Variants in HNF4G observed in about 807,000 individuals in gnomAD.
The protein encoded by HNF4G is hepatocyte nuclear factor 4-gamma.
HNF4G carries 21 observed loss-of-function variants against 50.9 expected under a neutral mutation model. That is an observed-to-expected ratio of 0.41 (90% CI 0.29 to 0.59). The LOEUF (loss-of-function observed/expected upper bound fraction) is 0.59, where lower values mean the gene tolerates loss of function less well. HNF4G is among the 20% of genes least tolerant of loss of function. HNF4G has a pLI of 0.26. For synonymous variants in HNF4G, 198 were observed against 185.6 expected (o/e 1.07, Z -0.54); for missense variants, 527 against 559.4 (o/e 0.94, Z 0.58).
At chr8:75,504,996 T>C (rs1321875365) in intron 2 of HNF4G, among the ~76,000 whole-genome samples, 1 of 152,156 alleles carries the variant, frequency 6.6e-6, no homozygotes, top group African/African-American at 2.4e-5. Context: ...TATAGGTGAT[T>C]ATAGAAACTT....
chr8:75,478,461 A>G (rs1563522220), intron 1 of HNF4G, among the ~76,000 whole-genome samples: 1 of 152,026 alleles, frequency 6.6e-6, no homozygotes, highest in South Asian at 2.1e-4. Flanking sequence ...TTTTCAAACA[A>G]TTTTTTTTCT....
At chr8:75,504,230 GACACACACACACACAC>G (rs201513424) in intron 2 of HNF4G, among the ~76,000 whole-genome samples, 16 of 108,304 alleles carry the variant, frequency 1.5e-4, no homozygotes, top group South Asian at 5.7e-4. Flanking sequence ...AAAGCACACA[GACACACACACACACAC>G]ACACACACAC....
At chr8:75,475,938 A>T (rs1037770484) in intron 1 of HNF4G, among the ~76,000 whole-genome samples, 1 of 152,058 alleles carries the variant, frequency 6.6e-6, no homozygotes, top group African/African-American at 2.4e-5. Context: ...AATTAAATTT[A>T]TTTTTAAAAT....
rs1806162122 is a variant in HNF4G at position 75,525,796 on chromosome 8, T to C, written c.-23-18015T>C. Among the ~76,000 whole-genome samples the C allele has an allele frequency of 3.3e-5, 5 of 152,174 alleles. No homozygotes were observed. The South Asian group carries it at 1.0e-3, about 32-fold the overall frequency. On this transcript the variant is annotated intron_variant, in intron 2 of 10. Transcript: ENST00000354370. ...TAAGAAAAAGTTGAACTCATATTTC[T>C]AAATAGTAATGGTCATTTTAAATGC...
intron 2 of HNF4G, among the ~76,000 whole-genome samples, chr8:75,511,824 C>T (rs1184898160): frequency 2.6e-5 from 4 of 152,142 alleles, no homozygotes; most frequent in Non-Finnish European, 2.9e-5. Flanking sequence ...GTGATCCACC[C>T]GCCTCGGCCT....
At chr8:75,474,456 G>T (rs532396214) in intron 1 of HNF4G, among the ~76,000 whole-genome samples, 13 of 152,220 alleles carry the variant, frequency 8.5e-5, no homozygotes, top group African/African-American at 2.9e-4. Flanking sequence ...GAAGTTAGAA[G>T]GAAGATTGAG....
chr8:75,502,865 G>A (rs1053417277), intron 2 of HNF4G, among the ~76,000 whole-genome samples: 3 of 152,176 alleles, frequency 2.0e-5, no homozygotes, highest in African/African-American at 7.2e-5. Context: ...GTCTGAAATT[G>A]TCTGTTAGTA....
At chr8:75,450,228 C>T (rs941984906) in intron 1 of HNF4G, among the ~76,000 whole-genome samples, 8 of 152,054 alleles carry the variant, frequency 5.3e-5, no homozygotes, top group Non-Finnish European at 7.4e-5. Flanking sequence ...TGTATGTATT[C>T]GACATTTTCT....
chr8:75,549,093 T>C (rs1806871751), intron 3 of HNF4G, among the ~76,000 whole-genome samples: 1 of 152,224 alleles, frequency 6.6e-6, no homozygotes, highest in Non-Finnish European at 1.5e-5. Flanking sequence ...GTTTCCTTTA[T>C]GAGTTTTACA....
At chr8:75,473,009 AT>A (rs1447683499) in intron 1 of HNF4G, among the ~76,000 whole-genome samples, 1 of 152,126 alleles carries the variant, frequency 6.6e-6, no homozygotes, top group Non-Finnish European at 1.5e-5. Flanking sequence ...GTGAGTCACG[AT>A]TTACATATAA....
In HNF4G at chr8:75,515,680, G is replaced by T. The variant is rs533384076; in HGVS notation, c.-24+25472G>T. Among the ~76,000 whole-genome samples the T allele has an allele frequency of 2.0e-4, 31 of 152,080 alleles. No homozygotes were observed. In the South Asian group the frequency reaches 6.2e-3, roughly 31 times the overall value. On this transcript the variant is annotated intron_variant, in intron 2 of 10. Transcript: ENST00000354370. ...ATGAATGTCCTGGCTCAAACACAGA[G>T]AATAAATTCACCTTTTCTCTGACTT... is the stretch of plus-strand genomic sequence containing the variant.
At chr8:75,444,992 C>T (rs939312847) in intron 1 of HNF4G, among the ~76,000 whole-genome samples, 18 of 150,228 alleles carry the variant, frequency 1.2e-4, no homozygotes, top group Admixed American at 8.0e-4. Context: ...TTCAGCACCA[C>T]ACCACACCTA....
At chr8:75,419,838 G>A (rs1810737206) in intron 1 of HNF4G, among the ~76,000 whole-genome samples, 1 of 152,218 alleles carries the variant, frequency 6.6e-6, no homozygotes, top group Non-Finnish European at 1.5e-5. Context: ...TATTGATTTA[G>A]ATAAATGTAT....
At chr8:75,557,969 A>G (rs2130812389) in intron 6 of HNF4G, among the ~76,000 whole-genome samples, 1 of 152,258 alleles carries the variant, frequency 6.6e-6, no homozygotes, top group South Asian at 2.1e-4. Flanking sequence ...TCCCACCTCT[A>G]TTTAAAGAAG....
At chr8:75,443,585 T>G (rs953497615) in intron 1 of HNF4G, among the ~76,000 whole-genome samples, 1 of 152,184 alleles carries the variant, frequency 6.6e-6, no homozygotes, top group Admixed American at 6.6e-5. Context: ...GGTTTTGAAC[T>G]CCTGGGCTCA....
chr8:75,430,662 G>A (rs1810992957), intron 1 of HNF4G, among the ~76,000 whole-genome samples: 1 of 152,076 alleles, frequency 6.6e-6, no homozygotes, highest in African/African-American at 2.4e-5. Context: ...AACCTCTAAA[G>A]GTAAAATTTT....
intron 1 of HNF4G, among the ~76,000 whole-genome samples, chr8:75,449,576 G>A (rs1259483884): frequency 2.8e-5 from 4 of 141,206 alleles, no homozygotes; most frequent in Non-Finnish European, 6.0e-5. Context: ...GGGCGATCTC[G>A]GCTCACTGCA....
intron 2 of HNF4G, among the ~76,000 whole-genome samples, chr8:75,505,837 C>A (rs1295425806): frequency 6.6e-6 from 1 of 152,034 alleles, no homozygotes; most frequent in African/African-American, 2.4e-5. Context: ...GAGACACAAA[C>A]TCTGAATAAT....
At position 75,419,810 on chromosome 8, in the gene HNF4G, G is replaced by A. The variant is rs137971273; in HGVS notation, c.-144+11648G>A. Among the ~76,000 whole-genome samples, 297 of 152,372 alleles carry A rather than the reference G, an allele frequency of 1.9e-3. 1 individual carries two copies. Among genetic ancestry groups the A allele is most frequent in the African/African-American group, 6.7e-3 (278 of 41,588 alleles). Reference sequence around the variant, plus strand: ...TGGCTTTAGCCATCTTGCAATAAATGTATTAGGAACAGTGGTTTATTGATT... The same window carrying A: ...TGGCTTTAGCCATCTTGCAATAAATATATTAGGAACAGTGGTTTATTGATT... On this transcript the variant is annotated intron_variant, in intron 1 of 10. Transcript: ENST00000354370.
Sources: allele counts gnomAD v4.1 joint callset (sites outside exome capture counted in the v4.1 genomes callset), GRCh38; gene constraint gnomAD v4.1.1; transcripts MANE v1.5; gene names NCBI Gene and HGNC (gene_info 2026-07-23, HGNC 2026-07-21).